Variants in KDM4B observed in about 807,000 individuals in gnomAD.
KDM4B encodes the protein lysine demethylase 4B.
Under a neutral mutation model 125.2 loss-of-function variants are expected in KDM4B, and 32 were observed. The observed-to-expected ratio is 0.26, with a 90% CI of 0.19 to 0.34. The LOEUF (loss-of-function observed/expected upper bound fraction) is 0.34, where lower values mean the gene tolerates loss of function less well. Among genes scored for constraint, KDM4B ranks in the 10% least tolerant of loss-of-function variants. The probability of loss-of-function intolerance (pLI) is 1.00; values close to 1 mark genes in which losing one functional copy is unlikely to be tolerated. For synonymous variants in KDM4B, 721 were observed against 677.9 expected (o/e 1.06, Z -0.99); for missense variants, 1,190 against 1,577.7 (o/e 0.75, Z 4.16).
chr19:5,153,240 G>T lies in KDM4B; in HGVS notation c.*1729G>T, dbSNP rs1273795104. The T allele has an allele frequency of 6.6e-6, 1 of 152,224 alleles. No individual in the cohort carries two copies. The highest frequency in any genetic ancestry group is 6.5e-5 in the Admixed American group (1 of 15,286). 9.4% of individuals were successfully genotyped at this position (152,224 alleles called of 1,614,324 possible). ...GGGGTGTCAGCCAAAACGTGGAGGT[G>T]TCCCTCTGCACGCAGCCCTCGCCCG... On this transcript the variant is annotated 3_prime_UTR_variant, in exon 23 of 23. Transcript: ENST00000159111.
intron 2 of KDM4B, among the ~76,000 whole-genome samples, chr19:5,028,358 C>A (rs2036347197): frequency 6.6e-6 from 1 of 152,190 alleles, no homozygotes; most frequent in South Asian, 2.1e-4. Flanking sequence ...TGTCTGGCTT[C>A]TCTCACTGTG....
chr19:5,096,332 G>A (rs926004441), intron 9 of KDM4B, among the ~76,000 whole-genome samples: 3 of 152,094 alleles, frequency 2.0e-5, no homozygotes, highest in East Asian at 1.9e-4. Flanking sequence ...TGATCCACCC[G>A]CCTTGGCCTC....
chr19:5,136,937 C>T (rs1436588481), intron 15 of KDM4B, among the ~76,000 whole-genome samples: 1 of 152,192 alleles, frequency 6.6e-6, no homozygotes, highest in African/African-American at 2.4e-5. Flanking sequence ...GGTGCAGACA[C>T]CCAACAAGGA....
Position 5,047,448 on chromosome 19 carries a change from T to C in KDM4B, c.433-28T>C, listed in dbSNP as rs940487506. On this transcript the variant is annotated intron_variant, in intron 5 of 22. Transcript: ENST00000159111. ...GCAGGTTCTGGGGGTGGCCGGGCGG[T>C]TGCCGACGCTGCTCTGCCGCCCCAC... The C allele has an allele frequency of 1.9e-6, 3 of 1,574,286 alleles. No individual in the cohort carries two copies. In the East Asian group the frequency reaches 6.8e-5, roughly 35 times the overall value.
chr19:4,990,341 C>G lies in KDM4B; in HGVS notation c.-109+21111C>G, dbSNP rs144259321. ...TTGGTGTTAGAGCAGTTCACTTCCACCCAAAAACAGGGACTTAGAAAGGGA... is the reference window on the plus strand; with the variant it reads ...TTGGTGTTAGAGCAGTTCACTTCCAGCCAAAAACAGGGACTTAGAAAGGGA... On this transcript the variant is annotated intron_variant, in intron 1 of 22. Coordinates refer to ENST00000159111, the MANE Select transcript of KDM4B (RefSeq NM_015015.3). Among the ~76,000 whole-genome samples the G allele has an allele frequency of 4.8e-3, 736 of 152,258 alleles. 4 individuals carry two copies. Among genetic ancestry groups the G allele is most frequent in the South Asian group, 0.018 (88 of 4,828 alleles).
rs779100416 is a variant in KDM4B at position 5,077,468 on chromosome 19, C to T, written c.778C>T (p.Arg260Trp). The change falls in exon 8 of 23, where the codon CGG becomes TGG. Residue 260 changes from arginine to tryptophan, a missense_variant and splice_region_variant. Arg to Trp is a moderately radical substitution (Grantham distance 101). Coordinates refer to ENST00000159111, the MANE Select transcript of KDM4B (RefSeq NM_015015.3). ...ILKKYGIPFS[R>W]ITQEAGEFMI... ...GAAGAAGTACGGGATCCCCTTCAGC[C>T]GGGTGCGTACGGGTGGGGCCTGCAC... The T allele has an allele frequency of 1.9e-6, 3 of 1,612,648 alleles. No individual in the cohort carries two copies. Among genetic ancestry groups the T allele is most frequent in the Admixed American group, 1.7e-5 (1 of 60,018 alleles).
intron 6 of KDM4B, among the ~76,000 whole-genome samples, chr19:5,057,357 T>C (rs62115563): frequency 0.12 from 17,841 of 152,232 alleles, 1,333 homozygotes; most frequent in Non-Finnish European, 0.17. Context: ...TCCGGTTGTG[T>C]GTGGTGGCAG....
intron 1 of KDM4B, among the ~76,000 whole-genome samples, chr19:4,979,143 A>G (rs1446535750): frequency 6.6e-6 from 1 of 151,934 alleles, no homozygotes; most frequent in African/African-American, 2.4e-5. Context: ...AATTTGCCAG[A>G]TGTGGTGGCT....
At chr19:5,067,338 T>G in intron 6 of KDM4B, among the ~76,000 whole-genome samples, 1 of 152,190 alleles carries the variant, frequency 6.6e-6, no homozygotes, top group East Asian at 1.9e-4. Flanking sequence ...TGCTTTGTCT[T>G]GACCTCTTCA....
At chr19:5,027,863 G>A (rs1367394341) in intron 2 of KDM4B, among the ~76,000 whole-genome samples, 1 of 152,118 alleles carries the variant, frequency 6.6e-6, no homozygotes, top group South Asian at 2.1e-4. Flanking sequence ...TTTTTGCTAA[G>A]AGCTTTATTA....
chr19:5,079,153 G>C (rs2038212380), intron 8 of KDM4B: 1 of 152,216 alleles, frequency 6.6e-6, no homozygotes, highest in African/African-American at 2.4e-5. Context: ...ATAATTAAAA[G>C]TGTGTACTTC....
intron 2 of KDM4B, among the ~76,000 whole-genome samples, chr19:5,019,983 G>T: frequency 6.8e-6 from 1 of 146,206 alleles, no homozygotes; most frequent in Admixed American, 6.8e-5. Flanking sequence ...TGTTGGTGTG[G>T]ATGTTGGTGT....
At chr19:4,977,451 G>A (rs1336422340) in intron 1 of KDM4B, among the ~76,000 whole-genome samples, 2 of 152,168 alleles carry the variant, frequency 1.3e-5, no homozygotes, top group Non-Finnish European at 2.9e-5. Context: ...CGTCAGCTGA[G>A]GGCACGGTGG....
At chr19:5,131,666 A>AGGAGG in intron 12 of KDM4B, 121 bp downstream of exon 12, 3 of 204,114 alleles carry the variant, frequency 1.5e-5, no homozygotes, top group Non-Finnish European at 2.4e-5. Context: ...AGGGGACAGG[A>AGGAGG]GGGCTGACTG....
rs1259623182 is a variant in KDM4B, at chr19:5,138,049, C to T, written c.2529C>T (p.Ile843=). ...GCCACCCTGTGGACATCAGCGCCAT[C>T]CCCGAGCAGCGGTGGAAGCTGGTAG... The part of the protein sequence containing the change: ...IERHPVDISA[I]PEQRWKLKCV... The change falls in exon 18 of 23, where the codon ATC becomes ATT. Residue 843 remains isoleucine, a synonymous_variant. Transcript: ENST00000159111. 1.2e-6 allele frequency: 2 copies of T among 1,612,378 alleles called. No homozygotes were observed. The highest frequency in any genetic ancestry group is 1.7e-6 in the Non-Finnish European group (2 of 1,179,770).
chr19:5,117,241 G>A (rs2039274655), intron 10 of KDM4B, among the ~76,000 whole-genome samples: 2 of 151,320 alleles, frequency 1.3e-5, no homozygotes, highest in Admixed American at 6.6e-5. Flanking sequence ...AGTAAGGCTT[G>A]AAGGCCGTGG....
chr19:5,093,822 G>A (rs2038762551), intron 9 of KDM4B, among the ~76,000 whole-genome samples: 1 of 152,204 alleles, frequency 6.6e-6, no homozygotes, highest in Non-Finnish European at 1.5e-5. Context: ...CGAGGTCCAG[G>A]GAGGAGACAG....
chr19:5,006,143 C>T (rs2035551270), intron 1 of KDM4B, among the ~76,000 whole-genome samples: 1 of 152,054 alleles, frequency 6.6e-6, no homozygotes, highest in Admixed American at 6.5e-5. Flanking sequence ...CGCCTCCCTT[C>T]CTTCCATCCC....
chr19:5,120,780 C>G lies in KDM4B; in HGVS notation c.1315+928C>G, dbSNP rs147996857. Among the ~76,000 whole-genome samples the G allele has an allele frequency of 1.2e-4, 19 of 152,288 alleles. No individual in the cohort carries two copies. The East Asian group carries it at 3.3e-3, about 26-fold the overall frequency. ...CCGCTGGGAGCCCTTCCCTCTCCCACCCTTTCCAGGTGCCATGCAGGGAGC... is the reference window on the plus strand; with the variant it reads ...CCGCTGGGAGCCCTTCCCTCTCCCAGCCTTTCCAGGTGCCATGCAGGGAGC... On this transcript the variant is annotated intron_variant, in intron 11 of 22. Coordinates refer to ENST00000159111, the MANE Select transcript of KDM4B (RefSeq NM_015015.3).
Sources: gnomAD v4.1 joint callset for allele counts (sites outside exome capture counted in the v4.1 genomes callset) on GRCh38, gnomAD v4.1.1 for gene constraint, MANE v1.5 for transcripts, NCBI Gene and HGNC (gene_info 2026-07-23, HGNC 2026-07-21) for gene names.